The following NRXN3 variants were observed in gnomAD, a reference collection of about 807,000 sequenced individuals.
NRXN3 encodes neurexin 3, also known as neurexin III.
NRXN3 carries 32 observed loss-of-function variants against 137.6 expected under a neutral mutation model. The ratio of observed to expected loss-of-function variants is 0.23; its 90% CI spans 0.18 to 0.31. The LOEUF is 0.31. NRXN3 is among the 10% of genes least tolerant of loss of function. The probability of loss-of-function intolerance (pLI) is 1.00; values close to 1 mark genes in which losing one functional copy is unlikely to be tolerated. For missense variants in NRXN3, 1,574 were observed against 2,062.5 expected (o/e 0.76, Z 4.59); for synonymous variants, 798 against 784.5 (o/e 1.02, Z -0.29).
At chr14:79,457,904 T>C (rs952965674) in intron 15 of NRXN3, among the ~76,000 whole-genome samples, 2 of 152,154 alleles carry the variant, frequency 1.3e-5, no homozygotes, top group African/African-American at 4.8e-5. Context: ...CCTCTAATCA[T>C]GTCTCATGTC....
At chr14:79,019,871 G>A (rs2099585791) in intron 15 of NRXN3, among the ~76,000 whole-genome samples, 1 of 152,098 alleles carries the variant, frequency 6.6e-6, no homozygotes, top group South Asian at 2.1e-4. Flanking sequence ...AGACAGGACT[G>A]TAACCAGAGA....
chr14:79,451,732 C>T (rs2096176168), intron 15 of NRXN3, among the ~76,000 whole-genome samples: 1 of 152,190 alleles, frequency 6.6e-6, no homozygotes, highest in Non-Finnish European at 1.5e-5. Flanking sequence ...AGCCTTGGCC[C>T]TTTGCATTCT....
intron 15 of NRXN3, among the ~76,000 whole-genome samples, chr14:79,227,739 CTCCT>C (rs745869619): frequency 0.015 from 944 of 63,764 alleles, 9 homozygotes; most frequent in East Asian, 0.046. Context: ...TCTCCTTTCT[CTCCT>C]TCCTTCCTTC....
intron 15 of NRXN3, among the ~76,000 whole-genome samples, chr14:79,426,791 A>G (rs1432584973): frequency 6.6e-6 from 1 of 152,214 alleles, no homozygotes; most frequent in Non-Finnish European, 1.5e-5. Context: ...GAGATAAAAG[A>G]CAAACACATA....
At chr14:78,739,168 C>T (rs962633229) in intron 8 of NRXN3, among the ~76,000 whole-genome samples, 7 of 152,218 alleles carry the variant, frequency 4.6e-5, no homozygotes, top group African/African-American at 1.7e-4. Flanking sequence ...TTTTCCTCTA[C>T]CATGACCAAG....
At chr14:79,631,142 C>T (rs76130186) in intron 16 of NRXN3, among the ~76,000 whole-genome samples, 2 of 152,206 alleles carry the variant, frequency 1.3e-5, no homozygotes, top group African/African-American at 2.4e-5. Context: ...GTAAAGGGAA[C>T]AGCTAAGACA....
intron 4 of NRXN3, among the ~76,000 whole-genome samples, chr14:78,326,926 CA>C (rs35177007): frequency 0.21 from 24,521 of 118,062 alleles, 2,111 homozygotes; most frequent in East Asian, 0.44. Flanking sequence ...GAGTGAGTTA[CA>C]AAAAAAAAAA....
At chr14:78,247,529 T>C (rs1427717602) in intron 2 of NRXN3, among the ~76,000 whole-genome samples, 1 of 152,224 alleles carries the variant, frequency 6.6e-6, no homozygotes, top group African/African-American at 2.4e-5. Context: ...TGTCTATAAA[T>C]AGAATGCTTT....
intron 4 of NRXN3, among the ~76,000 whole-genome samples, chr14:78,535,439 A>G (rs1187208921): frequency 6.6e-6 from 1 of 152,228 alleles, no homozygotes. Context: ...TGGTGTTAGA[A>G]AGACCTAATT....
intron 4 of NRXN3, among the ~76,000 whole-genome samples, chr14:78,382,751 C>A (rs2089340593): frequency 6.6e-6 from 1 of 152,134 alleles, no homozygotes; most frequent in Admixed American, 6.6e-5. Flanking sequence ...GGCCCCTATT[C>A]CCTCTCCTTG....
intron 16 of NRXN3, among the ~76,000 whole-genome samples, chr14:79,536,204 T>C (rs1241704451): frequency 2.0e-5 from 3 of 152,132 alleles, no homozygotes; most frequent in Non-Finnish European, 2.9e-5. Context: ...TGTTGGACTC[T>C]ATATGGAAAG....
At chr14:79,166,156 G>C (rs2061263986) in intron 15 of NRXN3, among the ~76,000 whole-genome samples, 1 of 151,946 alleles carries the variant, frequency 6.6e-6, no homozygotes, top group Non-Finnish European at 1.5e-5. Flanking sequence ...ATAATGTATA[G>C]CTGGAAATAA....
intron 15 of NRXN3, among the ~76,000 whole-genome samples, chr14:79,145,839 A>G (rs1180738582): frequency 2.6e-5 from 4 of 152,204 alleles, no homozygotes; most frequent in Admixed American, 1.3e-4. Context: ...AATAATTGGC[A>G]AGAGGATAGA....
chr14:79,739,990 A>C (rs2098955460), intron 19 of NRXN3, among the ~76,000 whole-genome samples: 1 of 152,048 alleles, frequency 6.6e-6, no homozygotes, highest in Non-Finnish European at 1.5e-5. Flanking sequence ...CTGCCCTCTG[A>C]ATATGTCCAG....
At chr14:78,336,463 G>C (rs1329770498) in intron 4 of NRXN3, among the ~76,000 whole-genome samples, 1 of 152,124 alleles carries the variant, frequency 6.6e-6, no homozygotes, top group African/African-American at 2.4e-5. Flanking sequence ...CAGTGTTCTA[G>C]GTACTTGGGA....
chr14:78,270,155 A>C (rs956202433), intron 2 of NRXN3, among the ~76,000 whole-genome samples: 11 of 152,062 alleles, frequency 7.2e-5, no homozygotes, highest in Admixed American at 5.2e-4. Flanking sequence ...AGTCTACCTG[A>C]CTCTAGAACC....
intron 16 of NRXN3, among the ~76,000 whole-genome samples, chr14:79,507,216 A>G (rs1291338397): frequency 6.6e-6 from 1 of 152,224 alleles, no homozygotes; most frequent in Non-Finnish European, 1.5e-5. Flanking sequence ...TAGGAAGAGA[A>G]GAATAGAACA....
At chr14:78,891,048 G>C (rs1364245348) in intron 10 of NRXN3, among the ~76,000 whole-genome samples, 1 of 151,928 alleles carries the variant, frequency 6.6e-6, no homozygotes, top group Non-Finnish European at 1.5e-5. Context: ...AGTTACATTT[G>C]TTAATTTTGT....
At chr14:79,246,398 T>C (rs1036222567) in intron 15 of NRXN3, among the ~76,000 whole-genome samples, 1 of 152,208 alleles carries the variant, frequency 6.6e-6, no homozygotes, top group Non-Finnish European at 1.5e-5. Context: ...TGGAATTGTT[T>C]GGTACAAATT....
Sources: gnomAD v4.1 joint callset for allele counts (sites outside exome capture counted in the v4.1 genomes callset) on GRCh38, gnomAD v4.1.1 for gene constraint, MANE v1.5 for transcripts, NCBI Gene and HGNC (gene_info 2026-07-23, HGNC 2026-07-21) for gene names.